The following RBM26 variants were observed in gnomAD, a reference collection of about 807,000 sequenced individuals.
The protein encoded by RBM26 is RNA-binding protein 26.
In RBM26, 30 loss-of-function variants were observed where a neutral mutation model predicts 123.6. The ratio of observed to expected loss-of-function variants is 0.24; its 90% CI spans 0.18 to 0.33. The LOEUF (loss-of-function observed/expected upper bound fraction) is 0.33, where lower values mean the gene tolerates loss of function less well. Ranked by LOEUF, RBM26 falls within the 10% of genes least tolerant of loss-of-function variation. The pLI is 1.00. For synonymous variants in RBM26, 400 were observed against 404.4 expected (o/e 0.99, Z 0.13); for missense variants, 947 against 1,203.6 (o/e 0.79, Z 3.15).
intron 16 of RBM26, 97 bp from the exon 17 acceptor site, chr13:79,342,928 C>G (rs2071658807): frequency 9.2e-6 from 7 of 758,666 alleles, no homozygotes; most frequent in Admixed American, 3.2e-5. Flanking sequence ...AATATTACTA[C>G]TTTTTTTAGT....
chr13:79,347,983 G>A (rs746317607), intron 14 of RBM26, among the ~76,000 whole-genome samples: 5 of 151,838 alleles, frequency 3.3e-5, no homozygotes, highest in Non-Finnish European at 7.4e-5. Context: ...AGTGTTTAAT[G>A]TAACTAAGTA....
At chr13:79,322,045 C>T (rs919840737) in intron 21 of RBM26, among the ~76,000 whole-genome samples, 1 of 151,256 alleles carries the variant, frequency 6.6e-6, no homozygotes, top group African/African-American at 2.4e-5. Flanking sequence ...ATAGATTATC[C>T]TAAAACTTAA....
At chr13:79,347,294 T>C (rs748041213) in intron 14 of RBM26, among the ~76,000 whole-genome samples, 1 of 152,048 alleles carries the variant, frequency 6.6e-6, no homozygotes, top group African/African-American at 2.4e-5. Context: ...GTACCCCTAC[T>C]AAAGAAAAAA....
intron 5 of RBM26, among the ~76,000 whole-genome samples, chr13:79,369,660 G>A (rs1490280519): frequency 1.3e-5 from 2 of 152,148 alleles, no homozygotes; most frequent in Admixed American, 1.3e-4. Context: ...ACTGAAAAGT[G>A]TTTTAGGTGT....
At chr13:79,382,852 C>T (rs1362431828) in intron 1 of RBM26, among the ~76,000 whole-genome samples, 1 of 152,130 alleles carries the variant, frequency 6.6e-6, no homozygotes, top group Admixed American at 6.6e-5. Flanking sequence ...TAAACAAACT[C>T]AAACAGATTC....
At chr13:79,347,681 AATT>A (rs1474020135) in intron 14 of RBM26, among the ~76,000 whole-genome samples, 1 of 152,250 alleles carries the variant, frequency 6.6e-6, no homozygotes, top group East Asian at 1.9e-4. Context: ...CAACTGTGTG[AATT>A]ATTTTGAATT....
chr13:79,371,848 T>C lies in RBM26; in HGVS notation c.410A>G (p.Glu137Gly). The change falls in exon 4 of 22, where the codon GAA becomes GGA. Residue 137 changes from glutamate (E) to glycine (G), a missense_variant. Coordinates refer to ENST00000438737, the MANE Select transcript of RBM26 (RefSeq NM_001366735.2). ...SPPQSSSRYR[E>G]NRSRDERKKD... Reference sequence around the variant, plus strand: ...GGTTCAATGAACTGCTCACCTATTTTCCCTGTATCGGGAGCTTGACTGGGG... The same window carrying C: ...GGTTCAATGAACTGCTCACCTATTTCCCCTGTATCGGGAGCTTGACTGGGG... 1 of 1,602,936 alleles carries C rather than the reference T, an allele frequency of 6.2e-7. No individual in the cohort carries two copies. Among genetic ancestry groups the C allele is most frequent in the Non-Finnish European group, 8.5e-7 (1 of 1,169,972 alleles).
At chr13:79,349,252 A>G (rs904902517) in intron 14 of RBM26, among the ~76,000 whole-genome samples, 15 of 152,180 alleles carry the variant, frequency 9.9e-5, no homozygotes, top group Non-Finnish European at 5.9e-5. Flanking sequence ...GTTATTAACT[A>G]TAGTCACCAC....
chr13:79,368,108 C>T (rs2075522323), intron 6 of RBM26, among the ~76,000 whole-genome samples: 1 of 151,674 alleles, frequency 6.6e-6, no homozygotes, highest in African/African-American at 2.4e-5. Flanking sequence ...TTACTGCAAG[C>T]TCCACCTCCC....
chr13:79,398,681 A>G (rs186328595), intron 1 of RBM26, among the ~76,000 whole-genome samples: 127 of 152,330 alleles, frequency 8.3e-4, no homozygotes, highest in Non-Finnish European at 1.5e-3. Context: ...AAATATTAAT[A>G]TACTTCAATG....
chr13:79,333,509 A>T lies in RBM26; in HGVS notation c.2820+835T>A, dbSNP rs529282693. Among the ~76,000 whole-genome samples the T allele has an allele frequency of 1.2e-3, 179 of 152,356 alleles. 2 individuals carry two copies. Among genetic ancestry groups the T allele is most frequent in the African/African-American group, 4.1e-3 (171 of 41,586 alleles). On this transcript the variant is annotated intron_variant, in intron 20 of 21. Transcript: ENST00000438737. ...GTAGAGGTTTTTTCAAAACTTATTT[A>T]AGTTGAAATCAACTTAAAACTTCTG...
Position 79,355,524 on chromosome 13 carries a change from C to T in RBM26, c.1690-140G>A. The T allele has an allele frequency of 9.6e-6, 6 of 628,070 alleles. No homozygotes were observed. The South Asian group carries it at 1.3e-4, about 14-fold the overall frequency. 38.9% of individuals were successfully genotyped at this position (628,070 alleles called of 1,614,324 possible). A position where few individuals can be genotyped will look rare whatever the true frequency, so the allele number is the denominator to read the frequency against. ...CTTCTTGGTATCTGGATTAGTAGAC[C>T]ACAGTCTACTTTTACTCCAGAAGAA... is the stretch of plus-strand genomic sequence containing the variant. On this transcript the variant is annotated intron_variant, in intron 11 of 21. Coordinates refer to ENST00000438737, the MANE Select transcript of RBM26 (RefSeq NM_001366735.2).
exon 5 of RBM26, chr13:79,311,896 AAACAT>A (rs1344347593): frequency 1.3e-5 from 2 of 152,126 alleles, no homozygotes; most frequent in Non-Finnish European, 2.9e-5. Flanking sequence ...GGATTTAACA[AAACAT>A]AATTCAACTA....
chr13:79,392,406 TAA>T (rs952753046), intron 1 of RBM26, among the ~76,000 whole-genome samples: 1 of 145,608 alleles, frequency 6.9e-6, no homozygotes, highest in Non-Finnish European at 1.5e-5. Context: ...CTTAAATTAT[TAA>T]ATTAATCTCT....
chr13:79,318,865 C>T, downstream of RBM26: 1 of 977,386 alleles, frequency 1.0e-6, no homozygotes, highest in South Asian at 4.7e-5. Flanking sequence ...GCCAATTTGG[C>T]ACCTTTCACG....
chr13:79,341,518 T>C (rs1259651140), intron 17 of RBM26, among the ~76,000 whole-genome samples: 2 of 151,746 alleles, frequency 1.3e-5, no homozygotes, highest in Non-Finnish European at 3.0e-5. Context: ...AAAGGAAAAG[T>C]AAAAAACAAA....
intron 1 of RBM26, among the ~76,000 whole-genome samples, chr13:79,380,978 A>G (rs1181375520): frequency 6.6e-6 from 1 of 152,158 alleles, no homozygotes; most frequent in Non-Finnish European, 1.5e-5. Context: ...ATAATTGTTT[A>G]TAACTAAGCT....
rs1404868452 is a variant in RBM26 at position 79,354,365 on chromosome 13, A to G, written c.1986+74T>C. ...CTATGTAAAATATATACAATTAACT[A>G]TAATTCAAATCACCAAGGGAAACTA... On this transcript the variant is annotated intron_variant, in intron 13 of 21. Coordinates refer to ENST00000438737, the MANE Select transcript of RBM26 (RefSeq NM_001366735.2). 5 of 1,208,676 alleles carry G rather than the reference A, an allele frequency of 4.1e-6. No individual in the cohort carries two copies. In the South Asian group the frequency reaches 1.3e-4, roughly 32 times the overall value. 74.9% of individuals were successfully genotyped at this position (1,208,676 alleles called of 1,614,324 possible).
chr13:79,332,741 A>T (rs1752647), intron 20 of RBM26, among the ~76,000 whole-genome samples: 1 of 151,848 alleles, frequency 6.6e-6, no homozygotes, highest in African/African-American at 2.4e-5. Flanking sequence ...AATCCCTGGT[A>T]TTTTTTATTG....
Sources: allele counts gnomAD v4.1 joint callset (sites outside exome capture counted in the v4.1 genomes callset), GRCh38; gene constraint gnomAD v4.1.1; transcripts MANE v1.5; gene names NCBI Gene and HGNC (gene_info 2026-07-23, HGNC 2026-07-21).